STAG2: variants seen among roughly 807,000 people sequenced by gnomAD.
STAG2 encodes the protein STAG2 cohesin complex component, also known as cohesin subunit SA-2.
Under a neutral mutation model 108.1 loss-of-function variants are expected in STAG2, and 14 were observed. The observed-to-expected ratio is 0.13, with a 90% CI of 0.09 to 0.20. The LOEUF (loss-of-function observed/expected upper bound fraction) is 0.20, where lower values mean the gene tolerates loss of function less well. STAG2 is among the 10% of genes least tolerant of loss of function. The pLI, the probability that STAG2 is intolerant of heterozygous loss-of-function variation, is 1.00. For missense variants in STAG2, 440 were observed against 940.9 expected (o/e 0.47, Z 6.96); for synonymous variants, 307 against 302.7 (o/e 1.01, Z -0.15).
At chrX:124,092,624 G>A (rs1244877979) in intron 32 of STAG2, among the ~76,000 whole-genome samples, 1 of 112,433 alleles carries the variant, frequency 8.9e-6, no homozygotes, top group Non-Finnish European at 1.9e-5. Flanking sequence ...TTTGGTGGTT[G>A]TACCATAAGT....
At chrX:124,055,275 G>A (rs1461098769) in intron 13 of STAG2, among the ~76,000 whole-genome samples, 2 of 112,498 alleles carry the variant, frequency 1.8e-5, no homozygotes, top group Non-Finnish European at 1.9e-5. Flanking sequence ...AAGAGGATCT[G>A]TGTGCTTCAA....
intron 6 of STAG2, among the ~76,000 whole-genome samples, chrX:124,041,332 A>G (rs756218766): frequency 3.6e-5 from 4 of 109,722 alleles, no homozygotes; most frequent in Non-Finnish European, 7.6e-5. Context: ...GTCTCAGACA[A>G]ATTATTTAAT....
chrX:123,971,323 G>A (rs1393226424), intron 1 of STAG2, among the ~76,000 whole-genome samples: 1 of 111,735 alleles, frequency 8.9e-6, no homozygotes. Context: ...CAGCTTCTTG[G>A]GAGGCTGAGG....
At position 123,987,989 on chromosome X, in the gene STAG2, C is replaced by G. The variant is rs1199770130; in HGVS notation, c.-163+26133C>G. Among the ~76,000 whole-genome samples, 4 of 111,810 alleles carry G rather than the reference C, an allele frequency of 3.6e-5. No individual in the cohort carries two copies. In the Admixed American group the frequency reaches 3.8e-4, roughly 11 times the overall value. On this transcript the variant is annotated intron_variant, in intron 1 of 34. Transcript: ENST00000371145. ...GTTTTGAAAAATCTACAAAGTCATACAGGCATATACATGTGGACAAAGGCT... is the reference window on the plus strand; with the variant it reads ...GTTTTGAAAAATCTACAAAGTCATAGAGGCATATACATGTGGACAAAGGCT...
At chrX:123,982,299 T>G (rs2054913027) in intron 1 of STAG2, among the ~76,000 whole-genome samples, 1 of 111,335 alleles carries the variant, frequency 9.0e-6, no homozygotes, top group Non-Finnish European at 1.9e-5. Context: ...GTCATACCAC[T>G]GAACTCCAGC....
intron 34 of STAG2, chrX:124,097,614 G>A (rs192861961): frequency 5.0e-4 from 134 of 267,745 alleles, no homozygotes; most frequent in African/African-American, 3.3e-3. Context: ...ATGGAAGGTA[G>A]TAGCTGAGAG....
chrX:123,977,846 T>G (rs1223416203), intron 1 of STAG2, among the ~76,000 whole-genome samples: 1 of 90,298 alleles, frequency 1.1e-5, no homozygotes, highest in Non-Finnish European at 2.2e-5. Context: ...TTTTTTTTTT[T>G]TTTTTTTTTT....
At chrX:123,962,589 T>C (rs762806251) in intron 1 of STAG2, among the ~76,000 whole-genome samples, 2 of 111,639 alleles carry the variant, frequency 1.8e-5, no homozygotes, top group African/African-American at 6.5e-5. Context: ...TTTATGTTGT[T>C]GCCTACCACC....
In STAG2 at chrX:124,082,804, A is replaced by G. The variant is rs766111531; in HGVS notation, c.2925-617A>G. ...TACATAATATTTAAGGACTACCTGT[A>G]TATTATTTTCAGAAATAATATCTTT... On this transcript the variant is annotated intron_variant, in intron 28 of 34. Transcript: ENST00000371145. Among the ~76,000 whole-genome samples, 5 of 111,841 alleles carry G rather than the reference A, an allele frequency of 4.5e-5. 1 individual carries two copies. The Middle Eastern group carries it at 0.014, about 309-fold the overall frequency.
At chrX:123,962,530 T>C (rs1164807133) in intron 1 of STAG2, among the ~76,000 whole-genome samples, 1 of 111,427 alleles carries the variant, frequency 9.0e-6, no homozygotes, top group Non-Finnish European at 1.9e-5. Context: ...ATTGTATTAG[T>C]AGTTTCATCC....
intron 19 of STAG2, 95 bp from the exon 20 acceptor site, chrX:124,063,753 A>G: frequency 1.5e-6 from 1 of 686,132 alleles, no homozygotes; most frequent in Middle Eastern, 3.2e-4. Flanking sequence ...GACTTACTGT[A>G]TTTGAAAATT....
intron 30 of STAG2, among the ~76,000 whole-genome samples, chrX:124,089,435 T>A (rs4825883): frequency 0.47 from 52,028 of 110,274 alleles, 10,265 homozygotes; most frequent in Non-Finnish European, 0.61. Context: ...TTAATTAATA[T>A]TTGTATAGAT....
In STAG2 at chrX:124,090,585, T is replaced by C. The variant is rs758642686; in HGVS notation, c.3288T>C (p.Ser1096=). The change falls in exon 31 of 35, where the codon AGT becomes AGC. Residue 1096 remains serine, a synonymous_variant. Coordinates refer to ENST00000371145, the MANE Select transcript of STAG2 (RefSeq NM_001042750.2). ...EGMQLSLTEE[S]SSSDSMWLSR... ...AATTTTCTTTTCCAGCTGAAGAAAG[T>C]AGTAGTAGTGACAGTATGTGGTTAA... The C allele has an allele frequency of 8.3e-7, 1 of 1,205,841 alleles. No individual in the cohort carries two copies. Among genetic ancestry groups the C allele is most frequent in the Non-Finnish European group, 1.1e-6 (1 of 892,482 alleles).
At chrX:124,050,559 AG>A (rs2058006388) in intron 11 of STAG2, among the ~76,000 whole-genome samples, 4 of 111,433 alleles carry the variant, frequency 3.6e-5, no homozygotes, top group Admixed American at 9.5e-5. Context: ...ACAGTCATGA[AG>A]GTAGTAGGAG....
intron 1 of STAG2, among the ~76,000 whole-genome samples, chrX:123,995,772 A>C (rs755803353): frequency 2.7e-4 from 30 of 112,438 alleles, no homozygotes; most frequent in African/African-American, 9.7e-4. Flanking sequence ...ATGGCGCTTA[A>C]ATAAGAAAAA....
chrX:124,005,573 CTA>C (rs1281724781), intron 1 of STAG2, among the ~76,000 whole-genome samples: 2 of 111,720 alleles, frequency 1.8e-5, no homozygotes, highest in Non-Finnish European at 3.8e-5. Flanking sequence ...CTGTATATAA[CTA>C]TTGAGTTTTT....
At chrX:124,081,089 G>T (rs375159381) in intron 27 of STAG2, among the ~76,000 whole-genome samples, 6 of 50,647 alleles carry the variant, frequency 1.2e-4, no homozygotes, top group Admixed American at 2.4e-4. Context: ...ATTTGCTGGG[G>T]TTTTTTTTCC....
At chrX:123,998,628 A>G (rs988459766) in intron 1 of STAG2, among the ~76,000 whole-genome samples, 13 of 107,749 alleles carry the variant, frequency 1.2e-4, no homozygotes, top group East Asian at 2.9e-4. Context: ...CTATCTATCT[A>G]TCTATCTAAC....
chrX:124,067,240 G>C (rs1254285769), intron 23 of STAG2, among the ~76,000 whole-genome samples: 1 of 110,333 alleles, frequency 9.1e-6, no homozygotes, highest in Non-Finnish European at 1.9e-5. Flanking sequence ...AATCAATATA[G>C]TATTGTTAAC....
Sources: allele counts gnomAD v4.1 joint callset (sites outside exome capture counted in the v4.1 genomes callset), GRCh38; gene constraint gnomAD v4.1.1; transcripts MANE v1.5; gene names NCBI Gene and HGNC (gene_info 2026-07-23, HGNC 2026-07-21).